RTL1: variants seen among roughly 807,000 people sequenced by gnomAD.
RTL1 encodes retrotransposon Gag like 1.
For synonymous variants in RTL1, 727 were observed against 748.4 expected, an observed-to-expected ratio of 0.97 and a Z score of 0.47; for missense variants, 1,681 against 1,767.5, an observed-to-expected ratio of 0.95 and a Z score of 0.88.
intron 3 of RTL1, among the ~76,000 whole-genome samples, chr14:100,885,703 T>A (rs1172210999): frequency 6.6e-6 from 1 of 152,130 alleles, no homozygotes; most frequent in Non-Finnish European, 1.5e-5. Flanking sequence ...ATAATCTCCT[T>A]CTCTTCCTAC....
intron 2 of RTL1, chr14:100,895,004 A>C (rs950919687): frequency 3.3e-5 from 5 of 152,276 alleles, no homozygotes; most frequent in South Asian, 2.1e-4. Context: ...ACTTTGAAGA[A>C]GACCAGCCTT....
At chr14:100,890,730 C>T (rs2038763766) in intron 3 of RTL1, among the ~76,000 whole-genome samples, 1 of 151,974 alleles carries the variant, frequency 6.6e-6, no homozygotes, top group South Asian at 2.1e-4. Flanking sequence ...AGGTGGTGCT[C>T]AGAGCTCCTT....
rs1184974810 is a variant in RTL1, at chr14:100,882,822, T to A, written c.1967A>T (p.Gln656Leu). ...YIQMIPELFD[Q>L]LHGAEWFTKL... ...TGTGAACCACTCGGCTCCGTGTAACTGGTCAAACAGTTCCGGAATCATCTG... is the reference window on the plus strand; with the variant it reads ...TGTGAACCACTCGGCTCCGTGTAACAGGTCAAACAGTTCCGGAATCATCTG... Residue 656 changes from glutamine (Q) to leucine (L), a missense_variant, in exon 4 of 4, where the codon CAG (glutamine) becomes CTG (leucine). By Grantham distance (113) the Gln-to-Leu change is moderately radical. Transcript: ENST00000649591. 6.4e-7 allele frequency: 1 copy of A among 1,552,418 alleles called. No individual in the cohort carries two copies. Among genetic ancestry groups the A allele is most frequent in the South Asian group, 1.2e-5 (1 of 84,210 alleles).
rs1432295398 is a variant in RTL1 at position 100,884,174 on chromosome 14, G to A, written c.615C>T (p.His205=). Residue 205 remains histidine (H), a synonymous_variant, in exon 4 of 4, where the codon CAC becomes CAT. Coordinates refer to ENST00000649591, the MANE Select transcript of RTL1 (RefSeq NM_001134888.3). ...INAGQLPAPK[H]FSGDRREFHE... is the part of the protein sequence containing the mutation. ...GGAATTCTCTGCGATCGCCAGAGAA[G>A]TGCTTTGGGGCGGGCAGTTGGCCTG... 2 of 1,551,606 alleles carry A rather than the reference G, an allele frequency of 1.3e-6. No individual in the cohort carries two copies. Among genetic ancestry groups the A allele is most frequent in the Non-Finnish European group, 1.7e-6 (2 of 1,146,986 alleles).
rs778976183 is a variant in RTL1, at chr14:100,882,121, G to A, written c.2668C>T (p.Leu890=). 6.4e-7 allele frequency: 1 copy of A among 1,557,954 alleles called. No homozygotes were observed. ...CCGGTTTGGTCGTCGATTTGGATCAGGGAGGCGTGCAGGGCCGTGCCGGTG... is the reference window on the plus strand; with the variant it reads ...CCGGTTTGGTCGTCGATTTGGATCAAGGAGGCGTGCAGGGCCGTGCCGGTG... ...GVTGTALHAS[L]IQIDDQTGKR... The change falls in exon 4 of 4, where the codon CTG becomes TTG. Residue 890 remains leucine (L), a synonymous_variant. Coordinates refer to ENST00000649591, the MANE Select transcript of RTL1 (RefSeq NM_001134888.3).
At position 100,881,717 on chromosome 14, in the gene RTL1, C is replaced by T; in HGVS notation, c.3072G>A (p.Arg1024=). ...CTTCCCCGGATTCCGTCGATGGATCCCTGGGGAATCCCCTTGAGGCCAGCA... is the reference window on the plus strand; with the variant it reads ...CTTCCCCGGATTCCGTCGATGGATCTCTGGGGAATCCCCTTGAGGCCAGCA... ...TLLLASRGFP[R]DPSTESGEEE... is the part of the protein sequence containing the mutation. Residue 1024 remains arginine, a synonymous_variant, in exon 4 of 4, where the codon AGG becomes AGA. Coordinates refer to ENST00000649591, the MANE Select transcript of RTL1 (RefSeq NM_001134888.3). The surrounding 1 kb of genome is among the most constrained non-coding windows in gnomAD (Gnocchi z 6.6). 6.3e-7 allele frequency: 1 copy of T among 1,594,832 alleles called. No individual in the cohort carries two copies. The highest frequency in any genetic ancestry group is 8.5e-7 in the Non-Finnish European group (1 of 1,170,144).
At chr14:100,891,637 G>A (rs1347719419) in intron 3 of RTL1, among the ~76,000 whole-genome samples, 4 of 152,198 alleles carry the variant, frequency 2.6e-5, no homozygotes, top group Non-Finnish European at 5.9e-5. Context: ...GGGAAGGGGC[G>A]TGTGCCGCCT....
chr14:100,890,533 C>T (rs947996545), intron 3 of RTL1, among the ~76,000 whole-genome samples: 8 of 151,576 alleles, frequency 5.3e-5, no homozygotes, highest in African/African-American at 1.9e-4. Context: ...GAAGGTGAAG[C>T]TGGTGAGGAG....
chr14:100,885,842 C>T (rs916669542), intron 3 of RTL1, among the ~76,000 whole-genome samples: 13 of 152,180 alleles, frequency 8.5e-5, no homozygotes, highest in African/African-American at 2.7e-4. Flanking sequence ...CCCTTCTTAA[C>T]GCCAGTGGGT....
Position 100,880,781 on chromosome 14 carries a change from C to T in RTL1, c.4008G>A (p.Glu1336=), listed in dbSNP as rs1566751879. The change falls in exon 4 of 4, where the codon GAG becomes GAA. Residue 1336 remains glutamate (E), a synonymous_variant. Transcript: ENST00000649591. Reference sequence around the variant, plus strand: ...GCCTTGCCTGCTCCCTGGGCTGGCTCTCCCAGGCGGGGATGGGCAGGGCCC... The same window carrying T: ...GCCTTGCCTGCTCCCTGGGCTGGCTTTCCCAGGCGGGGATGGGCAGGGCCC... The part of the protein sequence containing the change: ...YRRALPIPAW[E]SQPREQARLE... 6.4e-7 allele frequency: 1 copy of T among 1,550,582 alleles called. No homozygotes were observed. Among genetic ancestry groups the T allele is most frequent in the African/African-American group, 1.4e-5 (1 of 72,980 alleles).
At chr14:100,887,670 C>T (rs2038712478) in intron 3 of RTL1, among the ~76,000 whole-genome samples, 3 of 151,904 alleles carry the variant, frequency 2.0e-5, no homozygotes, top group South Asian at 2.1e-4. Context: ...GCGGGAGAAT[C>T]GCTTGAACCT....
At chr14:100,903,158 G>T (rs772586302) in intron 2 of RTL1, among the ~76,000 whole-genome samples, 133 bp downstream of exon 2, 1 of 152,132 alleles carries the variant, frequency 6.6e-6, no homozygotes, top group Non-Finnish European at 1.5e-5. Flanking sequence ...AGTTTTTCCC[G>T]GCGGCTTCCT....
chr14:100,902,231 C>T lies in RTL1; in HGVS notation c.-149+1060G>A, dbSNP rs79310855. ...CGGCTGTGCAGCAGCCCCCTTGCCC[C>T]CTCTGCCCTCCGATCTCTGCAGGCT... On this transcript the variant is annotated intron_variant, in intron 2 of 3. Transcript: ENST00000649591. 9.2e-5 allele frequency among the ~76,000 whole-genome samples: 14 copies of T among 152,318 alleles called. No homozygotes were observed. In the East Asian group the frequency reaches 2.7e-3, roughly 29 times the overall value.
chr14:100,897,242 C>T (rs945752961), intron 2 of RTL1, among the ~76,000 whole-genome samples: 16 of 152,312 alleles, frequency 1.1e-4, no homozygotes, highest in African/African-American at 3.1e-4. Context: ...GAAACATGCC[C>T]TTTGCTTTGT....
intron 3 of RTL1, among the ~76,000 whole-genome samples, chr14:100,887,380 C>T (rs978467679): frequency 2.0e-5 from 3 of 152,162 alleles, no homozygotes; most frequent in South Asian, 4.1e-4. Flanking sequence ...TTATTTTTAG[C>T]ATAGAACAAT....
rs1325263518 is a variant in RTL1, at chr14:100,884,319, T to C, written c.470A>G (p.Glu157Gly). Residue 157 changes from glutamate (E) to glycine (G), a missense_variant, in exon 4 of 4, where the codon GAG (glutamate) becomes GGG (glycine). Transcript: ENST00000649591. Reference sequence around the variant, plus strand: ...GGCCATAAGTTCTGCGGTTGAGTGCTCGGTCTGGTTTTGCTCTTGAGGAGT... The same window carrying C: ...GGCCATAAGTTCTGCGGTTGAGTGCCCGGTCTGGTTTTGCTCTTGAGGAGT... ...EETPQEQNQT[E>G]HSTAELMAMV... The C allele has an allele frequency of 6.5e-7, 1 of 1,547,270 alleles. No individual in the cohort carries two copies. Among genetic ancestry groups the C allele is most frequent in the South Asian group, 1.2e-5 (1 of 83,930 alleles).
At position 100,880,530 on chromosome 14, in the gene RTL1, A is replaced by C. The variant is rs2038592093; in HGVS notation, c.*182T>G. 4 of 1,250,652 alleles carry C rather than the reference A, an allele frequency of 3.2e-6. No individual in the cohort carries two copies. In the Admixed American group the frequency reaches 1.1e-4, roughly 34 times the overall value. The allele number at this position is 1,250,652 out of a possible 1,614,324, so 77.5% of individuals were successfully genotyped here. A position where few individuals can be genotyped will look rare whatever the true frequency, so the allele number is the denominator to read the frequency against. On this transcript the variant is annotated 3_prime_UTR_variant, in exon 4 of 4. Transcript: ENST00000649591. The stretch of plus-strand genomic sequence containing the variant: ...TCTGAGGACTGGGTAGTCCGTTAGC[A>C]CAGGTGGCATTGCTGGTTGATGAGT...
In RTL1 at chr14:100,882,909, GCT is replaced by G. The variant is rs1214510783; in HGVS notation, c.1878_1879del (p.Arg626SerfsTer29). ...GTCCCAGTATTCCTCCTGTAGCCTG[GCT>G]CTTTCTTGCATCCTGGCACCCACAG... On this transcript the variant is annotated frameshift_variant, in exon 4 of 4. Transcript: ENST00000649591. LOFTEE classifies it low-confidence loss of function (END_TRUNC). 6.2e-7 allele frequency: 1 copy of G among 1,605,476 alleles called. No homozygotes were observed. Among genetic ancestry groups the G allele is most frequent in the African/African-American group, 1.3e-5 (1 of 74,828 alleles).
chr14:100,899,239 G>T (rs546319147), intron 2 of RTL1, among the ~76,000 whole-genome samples: 1 of 152,352 alleles, frequency 6.6e-6, no homozygotes, highest in East Asian at 1.9e-4. Context: ...CACAGCGCGG[G>T]AGTAGCGTCT....
Sources: gnomAD v4.1 joint callset for allele counts (sites outside exome capture counted in the v4.1 genomes callset) on GRCh38, gnomAD v4.1.1 for gene constraint, Gnocchi (gnomAD v3.1) non-coding constraint, MANE v1.5 for transcripts, NCBI Gene and HGNC (gene_info 2026-07-23, HGNC 2026-07-21) for gene names.